The following TTYH2 variants were observed in gnomAD, a reference collection of about 807,000 sequenced individuals.
The protein encoded by TTYH2 is tweety family member 2, also known as protein tweety homolog 2.
A neutral mutation model predicts 68.3 loss-of-function variants in TTYH2; 49 were observed. The ratio of observed to expected loss-of-function variants is 0.72; its 90% CI spans 0.57 to 0.91. The LOEUF (loss-of-function observed/expected upper bound fraction) is 0.91. TTYH2 is among the 40% of genes least tolerant of loss of function. The pLI is 0.00. For synonymous variants in TTYH2, 272 were observed against 300.8 expected (o/e 0.90, Z 0.99); for missense variants, 631 against 700.4 (o/e 0.90, Z 1.12).
intron 13 of TTYH2, among the ~76,000 whole-genome samples, chr17:74,258,348 C>T (rs972538275): frequency 1.4e-4 from 21 of 151,368 alleles, no homozygotes; most frequent in African/African-American, 4.9e-4. Context: ...TCACTGCAAC[C>T]TCCGCTCCCC....
intron 8 of TTYH2, 43 bp downstream of exon 8, chr17:74,249,442 TC>T: frequency 1.9e-6 from 3 of 1,602,572 alleles, no homozygotes; most frequent in Non-Finnish European, 1.7e-6. Flanking sequence ...CCACAGCCGC[TC>T]CCCCTTGACC....
intron 1 of TTYH2, among the ~76,000 whole-genome samples, chr17:74,218,540 A>T (rs1368951585): frequency 6.6e-6 from 1 of 152,056 alleles, no homozygotes; most frequent in Non-Finnish European, 1.5e-5. Flanking sequence ...TCAAAAAAAA[A>T]AAAAAATGCC....
chr17:74,219,196 A>G (rs2050250862), intron 1 of TTYH2, among the ~76,000 whole-genome samples: 1 of 148,592 alleles, frequency 6.7e-6, no homozygotes, highest in African/African-American at 2.6e-5. Context: ...CAGCCTGGTG[A>G]GAGAGCAAGA....
Position 74,239,316 on chromosome 17 carries a change from C to T in TTYH2, c.635+1802C>T, listed in dbSNP as rs999469920. Among the ~76,000 whole-genome samples, 1 of 152,188 alleles carries T rather than the reference C, an allele frequency of 6.6e-6. No homozygotes were observed. The highest frequency in any genetic ancestry group is 2.4e-5 in the African/African-American group (1 of 41,442). ...ATGGCCTGGGCTTGTGCTCCCAGGG[C>T]CCGGGCCTAGCATGGAGGAGGCACG... On this transcript the variant is annotated intron_variant, in intron 4 of 13. Transcript: ENST00000269346. The surrounding 1 kb of genome is among the most constrained non-coding windows in gnomAD (Gnocchi z 5.3).
chr17:74,228,383 C>A (rs1369815496), intron 2 of TTYH2, among the ~76,000 whole-genome samples: 1 of 152,088 alleles, frequency 6.6e-6, no homozygotes, highest in African/African-American at 2.4e-5. Context: ...ACATTCATCT[C>A]CCCCCACCCC....
chr17:74,253,603 C>T, intron 12 of TTYH2, 152 bp from the exon 13 acceptor site: 2 of 737,558 alleles, frequency 2.7e-6, no homozygotes, highest in Non-Finnish European at 4.6e-6. Flanking sequence ...TGCTCTTCTC[C>T]ATATCTGCCC....
At chr17:74,250,473 C>A in intron 10 of TTYH2, 116 bp downstream of exon 10, 1 of 844,998 alleles carries the variant, frequency 1.2e-6, no homozygotes. Context: ...CCTTCCGGCC[C>A]AGGAATGGAA....
intron 8 of TTYH2, among the ~76,000 whole-genome samples, chr17:74,249,611 C>T (rs1033846997): frequency 1.3e-5 from 2 of 152,184 alleles, no homozygotes; most frequent in African/African-American, 4.8e-5. Flanking sequence ...GAGCTAGTTC[C>T]CATGCAGATG....
At chr17:74,225,916 A>G (rs2050325068) in intron 2 of TTYH2, among the ~76,000 whole-genome samples, 1 of 152,220 alleles carries the variant, frequency 6.6e-6, no homozygotes, top group Non-Finnish European at 1.5e-5. Flanking sequence ...GCCATCAGGG[A>G]GGCCCAGCTG....
At chr17:74,240,404 A>G (rs977415515) in intron 4 of TTYH2, among the ~76,000 whole-genome samples, 2 of 151,270 alleles carry the variant, frequency 1.3e-5, no homozygotes, top group African/African-American at 2.4e-5. Context: ...GCGCCACTGC[A>G]CTCCAGTCAG....
chr17:74,247,181 CA>C (rs71157049), intron 6 of TTYH2, among the ~76,000 whole-genome samples: 20,022 of 77,328 alleles, frequency 0.26, 1,121 homozygotes, highest in Non-Finnish European at 0.28. Context: ...GACTCTGTCT[CA>C]AAAAAAAAAA....
At position 74,213,770 on chromosome 17, in the gene TTYH2, ACC is replaced by A. The variant is rs1006857124; in HGVS notation, c.129+58_129+59del. 1 of 1,576,846 alleles carries A rather than the reference ACC, an allele frequency of 6.3e-7. No individual in the cohort carries two copies. Among genetic ancestry groups the A allele is most frequent in the Non-Finnish European group, 8.6e-7 (1 of 1,160,276 alleles). On this transcript the variant is annotated intron_variant, in intron 1 of 13. Transcript: ENST00000269346. This position sits in a 1 kb window ranked among gnomAD's most constrained non-coding sequence, Gnocchi z 6.1. The stretch of plus-strand genomic sequence containing the variant: ...CACGCGCGCCCCAAGTCCCCGCACT[ACC>A]CCCTCTCCCCTCGAGAGCCTGCACT...
rs958688394 is a variant in TTYH2, at chr17:74,239,623, G to A, written c.635+2109G>A. Reference sequence around the variant, plus strand: ...GGAGCTCATGAAGTCCCCAGCTCTGGGGGTCCTCCCCACACCTTGCCTCCC... The same window carrying A: ...GGAGCTCATGAAGTCCCCAGCTCTGAGGGTCCTCCCCACACCTTGCCTCCC... On this transcript the variant is annotated intron_variant, in intron 4 of 13. Coordinates refer to ENST00000269346, the MANE Select transcript of TTYH2 (RefSeq NM_032646.6). The surrounding 1 kb of genome is among the most constrained non-coding windows in gnomAD (Gnocchi z 5.3). 6.6e-6 allele frequency among the ~76,000 whole-genome samples: 1 copy of A among 152,144 alleles called. No individual in the cohort carries two copies. The highest frequency in any genetic ancestry group is 1.5e-5 in the Non-Finnish European group (1 of 68,016).
intron 2 of TTYH2, among the ~76,000 whole-genome samples, chr17:74,228,978 G>C (rs1316567327): frequency 6.6e-6 from 1 of 152,230 alleles, no homozygotes; most frequent in African/African-American, 2.4e-5. Context: ...TCAGCTGTCT[G>C]ATGGGGCACG....
chr17:74,253,131 C>G lies in TTYH2; in HGVS notation c.1310C>G (p.Ala437Gly). 1 of 1,613,954 alleles carries G rather than the reference C, an allele frequency of 6.2e-7. No individual in the cohort carries two copies. The highest frequency in any genetic ancestry group is 8.5e-7 in the Non-Finnish European group (1 of 1,179,938). ...IDDDDPFNPQ[A>G]WRMAAHSPPR... ...GATGATGACCCCTTTAACCCCCAAG[C>G]CTGGCGCATGGCGGCTCACAGTCCC... Residue 437 changes from alanine to glycine, a missense_variant, in exon 12 of 14, where the codon GCC (alanine) becomes GGC (glycine). Coordinates refer to ENST00000269346, the MANE Select transcript of TTYH2 (RefSeq NM_032646.6).
At chr17:74,225,795 C>T (rs766257771) in intron 2 of TTYH2, among the ~76,000 whole-genome samples, 13 of 152,190 alleles carry the variant, frequency 8.5e-5, no homozygotes, top group South Asian at 2.1e-4. Flanking sequence ...CAGGGGAGCC[C>T]GAGACATTCC....
At chr17:74,238,573 AT>A (rs1233047043) in intron 4 of TTYH2, among the ~76,000 whole-genome samples, 1 of 151,356 alleles carries the variant, frequency 6.6e-6, no homozygotes, top group East Asian at 2.0e-4. Context: ...GTTTAAAAAA[AT>A]TTTTTTTTGC....
At chr17:74,218,146 A>C (rs1049099681) in intron 1 of TTYH2, among the ~76,000 whole-genome samples, 7 of 134,180 alleles carry the variant, frequency 5.2e-5, no homozygotes, top group Admixed American at 1.6e-4. Context: ...GGTGCCACCA[A>C]GCTGGCCCTG....
intron 1 of TTYH2, among the ~76,000 whole-genome samples, chr17:74,216,653 A>C (rs2050224388): frequency 6.6e-6 from 1 of 152,198 alleles, no homozygotes; most frequent in Non-Finnish European, 1.5e-5. Flanking sequence ...GGCCTGTGTC[A>C]CCAGCCTTGT....
Sources: allele counts gnomAD v4.1 joint callset (sites outside exome capture counted in the v4.1 genomes callset), GRCh38; gene constraint gnomAD v4.1.1; non-coding constraint Gnocchi (gnomAD v3.1); transcripts MANE v1.5; gene names NCBI Gene and HGNC (gene_info 2026-07-23, HGNC 2026-07-21).